STRA8: variants seen among roughly 807,000 people sequenced by gnomAD.
STRA8 encodes stimulated by retinoic acid 8.
In STRA8, 18 loss-of-function variants were observed where a neutral mutation model predicts 37.1. The observed-to-expected ratio is 0.48, with a 90% CI of 0.34 to 0.72. The LOEUF is 0.72. STRA8 is among the 30% of genes least tolerant of loss of function. The probability of loss-of-function intolerance (pLI) is 0.01; values close to 1 mark genes in which losing one functional copy is unlikely to be tolerated. For synonymous variants in STRA8, 168 were observed against 162.9 expected, an observed-to-expected ratio of 1.03 and a Z score of -0.24; for missense variants, 357 against 410.4, an observed-to-expected ratio of 0.87 and a Z score of 1.13.
Position 135,246,291 on chromosome 7 carries a change from T to C in STRA8, c.594-126T>C, listed in dbSNP as rs1167945201. On this transcript the variant is annotated intron_variant, in intron 5 of 8. Transcript: ENST00000662584. The surrounding 1 kb of genome is among the most constrained non-coding windows in gnomAD (Gnocchi z 5.4). ...CCAGGGGCGTGCAGAGTCTGAGAAG[T>C]CTCAGCCCTGGTGAGCCGTGGCGCC... 3.9e-6 allele frequency: 5 copies of C among 1,272,066 alleles called. No individual in the cohort carries two copies. The African/African-American group carries it at 6.0e-5, about 15-fold the overall frequency. The allele number at this position is 1,272,066 out of a possible 1,614,324, so 78.8% of individuals were successfully genotyped here.
chr7:135,256,489 CA>C (rs1211717819), intron 8 of STRA8, among the ~76,000 whole-genome samples: 3 of 152,184 alleles, frequency 2.0e-5, no homozygotes, highest in East Asian at 3.9e-4. Context: ...AGATAACAAG[CA>C]GGGATTCTTG....
intron 1 of STRA8, among the ~76,000 whole-genome samples, chr7:135,235,105 C>CA (rs1294703293): frequency 6.6e-6 from 1 of 152,164 alleles, no homozygotes; most frequent in Non-Finnish European, 1.5e-5. Context: ...CTCCTGAGCT[C>CA]AAGTGATCCT....
At position 135,258,420 on chromosome 7, in the gene STRA8, A is replaced by G. The variant is rs755876975; in HGVS notation, c.1068A>G (p.Glu356=). The G allele has an allele frequency of 1.6e-5, 25 of 1,602,058 alleles. No individual in the cohort carries two copies. Among genetic ancestry groups the G allele is most frequent in the Middle Eastern group, 1.6e-4 (1 of 6,070 alleles). Residue 356 remains glutamate (E), a splice_region_variant and synonymous_variant, in exon 9 of 9, where the codon GAA becomes GAG. Transcript: ENST00000662584. ...CTCTTCCACCCTGTGTCTTGCAGGA[A>G]GCATCCTTTCCCGTTGATGAAGAGA... is the stretch of plus-strand genomic sequence containing the variant. The part of the protein sequence containing the change: ...LSCANTQVKQ[E]ASFPVDEEMI...
chr7:135,253,489 A>C (rs577543409), intron 7 of STRA8, among the ~76,000 whole-genome samples: 1 of 152,298 alleles, frequency 6.6e-6, no homozygotes, highest in African/African-American at 2.4e-5. Flanking sequence ...CCAACATGCA[A>C]ATAGGCATGG....
chr7:135,254,427 T>C (rs772502261), intron 7 of STRA8, among the ~76,000 whole-genome samples: 16 of 152,194 alleles, frequency 1.1e-4, no homozygotes, highest in Non-Finnish European at 1.9e-4. Context: ...AAGAAGCCCT[T>C]TGAAGCAGGG....
intron 1 of STRA8, among the ~76,000 whole-genome samples, chr7:135,239,030 G>C (rs1239871000): frequency 1.3e-5 from 2 of 152,222 alleles, no homozygotes; most frequent in African/African-American, 4.8e-5. Context: ...ACAAGGGAAA[G>C]TTGATACACT....
rs1406098728 is a variant in STRA8 at position 135,246,742 on chromosome 7, A to G, written c.879+40A>G. The G allele has an allele frequency of 6.7e-7, 1 of 1,484,662 alleles. No homozygotes were observed. 92.0% of individuals were successfully genotyped at this position (1,484,662 alleles called of 1,614,324 possible). A position where few individuals can be genotyped will look rare whatever the true frequency, so the allele number is the denominator to read the frequency against. On this transcript the variant is annotated intron_variant, in intron 6 of 8. Coordinates refer to ENST00000662584, the MANE Select transcript of STRA8 (RefSeq NM_001394401.1). This position sits in a 1 kb window ranked among gnomAD's most constrained non-coding sequence, Gnocchi z 5.4. ...CGGGGTGGCGTGGATGGGGCACGGGAACCACCCTCGCCCTCGCCTGGGGAC... is the reference window on the plus strand; with the variant it reads ...CGGGGTGGCGTGGATGGGGCACGGGGACCACCCTCGCCCTCGCCTGGGGAC...
At chr7:135,255,365 T>C in intron 8 of STRA8, 140 bp downstream of exon 8, 1 of 628,956 alleles carries the variant, frequency 1.6e-6, no homozygotes, top group South Asian at 1.8e-5. Context: ...CCATTCTCTC[T>C]GGCTTGCTCC....
At chr7:135,239,325 G>A (rs887798915) in intron 1 of STRA8, among the ~76,000 whole-genome samples, 3 of 152,204 alleles carry the variant, frequency 2.0e-5, no homozygotes, top group Non-Finnish European at 4.4e-5. Flanking sequence ...GTTCAGATCC[G>A]ATGTTTTCAA....
chr7:135,233,888 C>T lies in STRA8; in HGVS notation c.-22C>T, dbSNP rs1412964847. ...TGCTGTCCCGGGAGTGGGGACGTCG[C>T]GTGCACCGTTGGCGAGTAAGTATCC... On this transcript the variant is annotated 5_prime_UTR_variant, in exon 1 of 9. Coordinates refer to ENST00000662584, the MANE Select transcript of STRA8 (RefSeq NM_001394401.1). Among the ~76,000 whole-genome samples the T allele has an allele frequency of 6.6e-6, 1 of 152,166 alleles. No homozygotes were observed. Among genetic ancestry groups the T allele is most frequent in the Non-Finnish European group, 1.5e-5 (1 of 68,036 alleles).
chr7:135,243,268 A>C, intron 3 of STRA8, 58 bp from the exon 4 acceptor site: 1 of 1,583,282 alleles, frequency 6.3e-7, no homozygotes, highest in African/African-American at 1.3e-5. Flanking sequence ...AGGGTGGGAG[A>C]GACTCAACAG....
At chr7:135,233,585 C>G (rs754406016), upstream of STRA8, among the ~76,000 whole-genome samples, 16 of 152,098 alleles carry the variant, frequency 1.1e-4, no homozygotes, top group Non-Finnish European at 1.3e-4. Context: ...ATTACTGACG[C>G]GAGGGTCCCC....
intron 1 of STRA8, among the ~76,000 whole-genome samples, chr7:135,235,975 G>A (rs193285307): frequency 3.9e-5 from 6 of 151,994 alleles, no homozygotes; most frequent in Admixed American, 6.6e-5. Flanking sequence ...AGTGGTGCAC[G>A]TCTGTAGTCC....
At chr7:135,242,575 G>A (rs1157681385) in intron 2 of STRA8, among the ~76,000 whole-genome samples, 1 of 152,190 alleles carries the variant, frequency 6.6e-6, no homozygotes, top group African/African-American at 2.4e-5. Context: ...GCATTTCGGT[G>A]AGAACCCACT....
At chr7:135,243,210 C>T in intron 3 of STRA8, 116 bp from the exon 4 acceptor site, 1 of 994,332 alleles carries the variant, frequency 1.0e-6, no homozygotes, top group East Asian at 2.5e-5. Flanking sequence ...CTCCCTAATG[C>T]TGACCCTGGA....
intron 7 of STRA8, among the ~76,000 whole-genome samples, chr7:135,252,528 G>C (rs1832651931): frequency 1.3e-5 from 2 of 152,192 alleles, no homozygotes; most frequent in Admixed American, 6.5e-5. Context: ...GATTGGAAGT[G>C]AGCTGGTCCT....
intron 3 of STRA8, 67 bp downstream of exon 3, chr7:135,242,923 A>T: frequency 6.6e-7 from 1 of 1,522,554 alleles, no homozygotes; most frequent in Non-Finnish European, 9.1e-7. Context: ...TTTTCTATTG[A>T]AAACAGAAGT....
chr7:135,233,379 G>A (rs1251668513), upstream of STRA8, among the ~76,000 whole-genome samples: 2 of 152,032 alleles, frequency 1.3e-5, no homozygotes, highest in Admixed American at 6.6e-5. Context: ...TTTCGCTTGA[G>A]GCAGCGAGCC....
chr7:135,239,195 C>T (rs1266939707), intron 1 of STRA8, among the ~76,000 whole-genome samples: 1 of 152,210 alleles, frequency 6.6e-6, no homozygotes, highest in African/African-American at 2.4e-5. Flanking sequence ...CTCATAACCC[C>T]TTAATGAAGA....
Sources: gnomAD v4.1 joint callset for allele counts (sites outside exome capture counted in the v4.1 genomes callset) on GRCh38, gnomAD v4.1.1 for gene constraint, Gnocchi (gnomAD v3.1) non-coding constraint, MANE v1.5 for transcripts, NCBI Gene and HGNC (gene_info 2026-07-23, HGNC 2026-07-21) for gene names.